CTNNA3: variants seen among roughly 807,000 people sequenced by gnomAD.
The protein encoded by CTNNA3 is catenin alpha-3.
A neutral mutation model predicts 95.7 loss-of-function variants in CTNNA3; 76 were observed. The ratio of observed to expected loss-of-function variants is 0.79; its 90% CI spans 0.66 to 0.96. The LOEUF (loss-of-function observed/expected upper bound fraction) is 0.96, where lower values mean the gene tolerates loss of function less well. CTNNA3 is among the 40% of genes least tolerant of loss of function. The probability of loss-of-function intolerance (pLI) is 0.00; values close to 1 mark genes in which losing one functional copy is unlikely to be tolerated. For missense variants in CTNNA3, 1,191 were observed against 1,089.8 expected (o/e 1.09, Z -1.31); for synonymous variants, 431 against 374.4 (o/e 1.15, Z -1.74).
intron 11 of CTNNA3, among the ~76,000 whole-genome samples, chr10:66,512,822 ATATATCATCC>A (rs1440768394): frequency 2.6e-5 from 4 of 152,120 alleles, no homozygotes; most frequent in African/African-American, 9.7e-5. Context: ...AGCAATCTGA[ATATATCATCC>A]TATCCTCTCC....
chr10:67,534,843 T>C (rs756094593), intron 4 of CTNNA3, among the ~76,000 whole-genome samples: 20 of 151,954 alleles, frequency 1.3e-4, no homozygotes, highest in Non-Finnish European at 2.1e-4. Flanking sequence ...TTGCAGAAAT[T>C]TGGGGGAGAA....
chr10:66,819,544 G>T (rs550766181), intron 7 of CTNNA3, among the ~76,000 whole-genome samples: 349 of 151,344 alleles, frequency 2.3e-3, no homozygotes, highest in African/African-American at 7.8e-3. Context: ...ACCCAATCAA[G>T]AAATTGAAAA....
intron 11 of CTNNA3, among the ~76,000 whole-genome samples, chr10:66,380,621 CTATCTATA>C (rs370404018): frequency 0.14 from 15,278 of 105,376 alleles, 1,000 homozygotes; most frequent in African/African-American, 0.31. Context: ...ATCTATCTAT[CTATCTATA>C]TATATATATA....
chr10:66,918,869 C>T (rs1038533624), intron 7 of CTNNA3, among the ~76,000 whole-genome samples: 3 of 152,066 alleles, frequency 2.0e-5, no homozygotes, highest in African/African-American at 7.2e-5. Context: ...GGTGCGGTGG[C>T]TCATGCCTGT....
rs548458229 is a variant in CTNNA3, at chr10:66,846,945, A to G, written c.1048-71421T>C. On this transcript the variant is annotated intron_variant, in intron 7 of 17. Coordinates refer to ENST00000433211, the MANE Select transcript of CTNNA3 (RefSeq NM_013266.4). ...GCAGTAGTCCCCACTCAGCTTTCAAAATCATGTTTTCCCCCATTCACAAAC... is the reference window on the plus strand; with the variant it reads ...GCAGTAGTCCCCACTCAGCTTTCAAGATCATGTTTTCCCCCATTCACAAAC... 2.2e-4 allele frequency among the ~76,000 whole-genome samples: 33 copies of G among 152,286 alleles called. 1 individual carries two copies. The South Asian group carries it at 6.8e-3, about 32-fold the overall frequency.
At chr10:67,690,955 G>A (rs1039098877) in intron 1 of CTNNA3, among the ~76,000 whole-genome samples, 6 of 152,148 alleles carry the variant, frequency 3.9e-5, no homozygotes, top group African/African-American at 4.8e-5. Flanking sequence ...GAAGCTGGAC[G>A]GTACTGCTGC....
chr10:66,110,496 C>T (rs2082082009), intron 13 of CTNNA3, among the ~76,000 whole-genome samples: 1 of 151,972 alleles, frequency 6.6e-6, no homozygotes, highest in African/African-American at 2.4e-5. Context: ...TGTGAGCTCT[C>T]CCTCTCTCTA....
chr10:66,890,959 A>T (rs1275658968), intron 7 of CTNNA3, among the ~76,000 whole-genome samples: 1 of 152,086 alleles, frequency 6.6e-6, no homozygotes, highest in Non-Finnish European at 1.5e-5. Flanking sequence ...TCAATTCTAG[A>T]AGAGACCTCT....
intron 7 of CTNNA3, among the ~76,000 whole-genome samples, chr10:67,121,727 G>T (rs2131994484): frequency 6.6e-6 from 1 of 151,926 alleles, no homozygotes; most frequent in African/African-American, 2.4e-5. Flanking sequence ...AAGTGCTAAT[G>T]TCAATTGACC....
intron 5 of CTNNA3, among the ~76,000 whole-genome samples, chr10:67,246,337 C>T (rs996298090): frequency 2.6e-5 from 4 of 152,126 alleles, no homozygotes; most frequent in Non-Finnish European, 4.4e-5. Context: ...TGTTTAGCAC[C>T]AAATGGAATC....
chr10:66,144,807 A>G (rs2083797860), intron 13 of CTNNA3, among the ~76,000 whole-genome samples: 1 of 152,172 alleles, frequency 6.6e-6, no homozygotes, highest in South Asian at 2.1e-4. Context: ...ATTTTTTAAT[A>G]GGCAGGCATT....
At chr10:67,063,644 A>G (rs531294078) in intron 7 of CTNNA3, among the ~76,000 whole-genome samples, 2 of 152,354 alleles carry the variant, frequency 1.3e-5, no homozygotes, top group East Asian at 3.9e-4. Flanking sequence ...CCCACTGACC[A>G]GTGCTCTTTC....
At chr10:66,654,691 T>G (rs1166985047) in intron 9 of CTNNA3, among the ~76,000 whole-genome samples, 1 of 152,040 alleles carries the variant, frequency 6.6e-6, no homozygotes, top group African/African-American at 2.4e-5. Context: ...ATAGCCAAAA[T>G]ATGGAATCAA....
chr10:67,642,408 G>A (rs370031867), intron 2 of CTNNA3, among the ~76,000 whole-genome samples: 6 of 152,118 alleles, frequency 3.9e-5, no homozygotes, highest in East Asian at 3.9e-4. Flanking sequence ...ACATACATGC[G>A]GCCAATAAAC....
At chr10:67,289,781 C>A (rs567358634) in intron 5 of CTNNA3, among the ~76,000 whole-genome samples, 104 of 133,902 alleles carry the variant, frequency 7.8e-4, no homozygotes, top group Non-Finnish European at 1.0e-3. Context: ...GATGGATGGA[C>A]GGATGGATGG....
At chr10:66,341,460 G>T (rs1016492933) in intron 12 of CTNNA3, among the ~76,000 whole-genome samples, 1 of 151,792 alleles carries the variant, frequency 6.6e-6, no homozygotes, top group Non-Finnish European at 1.5e-5. Flanking sequence ...ACAAATAAAA[G>T]AGTATTTTTA....
chr10:66,146,635 C>G (rs2083901348), intron 13 of CTNNA3, among the ~76,000 whole-genome samples: 1 of 152,128 alleles, frequency 6.6e-6, no homozygotes, highest in South Asian at 2.1e-4. Flanking sequence ...CAGGTCACTG[C>G]AACCTCTGCC....
At chr10:67,401,719 C>T (rs970294599) in intron 5 of CTNNA3, among the ~76,000 whole-genome samples, 3 of 152,284 alleles carry the variant, frequency 2.0e-5, no homozygotes, top group Middle Eastern at 3.4e-3. Flanking sequence ...CTGCAGAACA[C>T]AGCTGCAAAT....
Position 67,219,744 on chromosome 10 carries a change from C to A in CTNNA3, c.706G>T (p.Ala236Ser). Residue 236 changes from alanine (A) to serine (S), a missense_variant, in exon 6 of 18, where the codon GCA (alanine) becomes TCA (serine). Coordinates refer to ENST00000433211, the MANE Select transcript of CTNNA3 (RefSeq NM_013266.4). ...LEHSDVASLKASKDTVCEEIQ... is the reference protein window; with the variant it reads ...LEHSDVASLKSSKDTVCEEIQ... ...TCTTCACAAACTGTGTCCTTGCTTG[C>A]TTTGAGGGAAGCAACATCAGAATGC... 1 of 1,614,034 alleles carries A rather than the reference C, an allele frequency of 6.2e-7. No homozygotes were observed. The highest frequency in any genetic ancestry group is 8.5e-7 in the Non-Finnish European group (1 of 1,180,000).
Sources: allele counts gnomAD v4.1 joint callset (sites outside exome capture counted in the v4.1 genomes callset), GRCh38; gene constraint gnomAD v4.1.1; transcripts MANE v1.5; gene names NCBI Gene and HGNC (gene_info 2026-07-23, HGNC 2026-07-21).